Variants in ANKFN1 observed in about 807,000 individuals in gnomAD.
The protein encoded by ANKFN1 is ankyrin repeat and fibronectin type III domain containing 1.
Under a neutral mutation model 108.7 loss-of-function variants are expected in ANKFN1, and 74 were observed. The ratio of observed to expected loss-of-function variants is 0.68; its 90% CI spans 0.56 to 0.83. ANKFN1 has a LOEUF of 0.83. Among genes scored for constraint, ANKFN1 ranks in the 40% least tolerant of loss-of-function variants. The pLI, the probability that ANKFN1 is intolerant of heterozygous loss-of-function variation, is 0.00. For missense variants in ANKFN1, 1,505 were observed against 1,382.3 expected, an observed-to-expected ratio of 1.09 and a Z score of -1.41; for synonymous variants, 547 against 516.2, an observed-to-expected ratio of 1.06 and a Z score of -0.81.
At chr17:56,409,386 A>G (rs1359891742) in intron 8 of ANKFN1, among the ~76,000 whole-genome samples, 2 of 152,224 alleles carry the variant, frequency 1.3e-5, no homozygotes, top group African/African-American at 2.4e-5. Context: ...TGCTAAATGC[A>G]ACCAAAAACA....
chr17:56,243,733 C>T (rs371955220), intron 3 of ANKFN1, among the ~76,000 whole-genome samples: 32 of 152,138 alleles, frequency 2.1e-4, no homozygotes, highest in Middle Eastern at 3.4e-3. Context: ...CCTTAGTTTT[C>T]GGTTTAACTT....
intron 8 of ANKFN1, among the ~76,000 whole-genome samples, chr17:56,397,287 A>G (rs1030936894): frequency 1.3e-5 from 2 of 152,180 alleles, no homozygotes; most frequent in African/African-American, 4.8e-5. Flanking sequence ...CCGCATCTAA[A>G]TAAATAGGTT....
chr17:56,299,360 G>A (rs1325687043), intron 3 of ANKFN1, among the ~76,000 whole-genome samples: 4 of 152,044 alleles, frequency 2.6e-5, no homozygotes, highest in Admixed American at 2.0e-4. Context: ...TCCCCAGCAG[G>A]AAGGACTCTG....
chr17:56,294,251 C>T (rs1286564694), intron 3 of ANKFN1, among the ~76,000 whole-genome samples: 1 of 152,222 alleles, frequency 6.6e-6, no homozygotes, highest in Non-Finnish European at 1.5e-5. Flanking sequence ...CTGTTTCCCT[C>T]CAGTGGCTGG....
intron 6 of ANKFN1, among the ~76,000 whole-genome samples, chr17:56,368,673 C>T (rs2046730114): frequency 6.6e-6 from 1 of 151,910 alleles, no homozygotes; most frequent in South Asian, 2.1e-4. Flanking sequence ...CTTGTTTTAC[C>T]CTATACATCC....
Position 56,104,496 on chromosome 17 carries a change from C to T in ANKFN1, c.288+58171C>T, listed in dbSNP as rs376839254. 6.9e-4 allele frequency among the ~76,000 whole-genome samples: 105 copies of T among 152,316 alleles called. 1 individual carries two copies. The South Asian group carries it at 0.021, about 30-fold the overall frequency. On this transcript the variant is annotated intron_variant, in intron 4 of 12. Transcript: ENST00000635860. The stretch of plus-strand genomic sequence containing the variant: ...GGGTTTTCTGACACCCAGTTCAGCA[C>T]ACTTACTGCTGTGCCACCCTTTTTT...
chr17:56,487,511 T>C (rs1261051352), intron 18 of ANKFN1, among the ~76,000 whole-genome samples: 5 of 151,868 alleles, frequency 3.3e-5, no homozygotes, highest in South Asian at 2.1e-4. Context: ...TTTAAACCAA[T>C]TGGACTAGAA....
chr17:56,454,346 A>G (rs1309987359), intron 11 of ANKFN1, among the ~76,000 whole-genome samples: 1 of 152,124 alleles, frequency 6.6e-6, no homozygotes, highest in Non-Finnish European at 1.5e-5. Context: ...AAGGGATGCA[A>G]GTCTTCTCTT....
intron 20 of ANKFN1, among the ~76,000 whole-genome samples, chr17:56,502,500 G>A (rs1017698171): frequency 6.6e-6 from 1 of 152,208 alleles, no homozygotes; most frequent in Admixed American, 6.5e-5. Flanking sequence ...GTGGAAAGCA[G>A]CAAATGACAA....
chr17:56,312,983 C>T (rs978736166), intron 3 of ANKFN1, among the ~76,000 whole-genome samples: 7 of 151,844 alleles, frequency 4.6e-5, no homozygotes, highest in Non-Finnish European at 8.8e-5. Context: ...GATGAAACCC[C>T]GTCTCTACTA....
At chr17:56,050,253 T>C (rs1012673225) in intron 4 of ANKFN1, among the ~76,000 whole-genome samples, 17 of 150,080 alleles carry the variant, frequency 1.1e-4, no homozygotes, top group Non-Finnish European at 2.4e-4. Flanking sequence ...GTTTTTTTCT[T>C]GTAAATTTGT....
intron 3 of ANKFN1, among the ~76,000 whole-genome samples, chr17:56,262,318 T>G (rs2043533616): frequency 6.6e-6 from 1 of 152,242 alleles, no homozygotes; most frequent in Non-Finnish European, 1.5e-5. Context: ...CATTTAAGAC[T>G]TCTGCAGTAA....
chr17:56,158,073 G>A (rs1354254286), intron 1 of ANKFN1, among the ~76,000 whole-genome samples: 2 of 152,120 alleles, frequency 1.3e-5, no homozygotes, highest in African/African-American at 4.8e-5. Context: ...GGCTCATTAG[G>A]CTCCTCCCAC....
chr17:56,237,939 T>C (rs563558628), intron 3 of ANKFN1, among the ~76,000 whole-genome samples: 1 of 152,320 alleles, frequency 6.6e-6, no homozygotes, highest in African/African-American at 2.4e-5. Flanking sequence ...CACTGAAGGC[T>C]GATTGAACTG....
chr17:56,449,885 A>G (rs1026314509), intron 11 of ANKFN1, among the ~76,000 whole-genome samples: 1 of 152,202 alleles, frequency 6.6e-6, no homozygotes. Context: ...AGGAAAGTAG[A>G]GCACATATTC....
At chr17:56,310,876 C>A (rs1357539673) in intron 3 of ANKFN1, among the ~76,000 whole-genome samples, 1 of 151,844 alleles carries the variant, frequency 6.6e-6, no homozygotes, top group Non-Finnish European at 1.5e-5. Flanking sequence ...ACTTATTCAG[C>A]CTGTGTAACG....
At chr17:56,218,109 C>G (rs1915561697) in intron 2 of ANKFN1, among the ~76,000 whole-genome samples, 1 of 152,114 alleles carries the variant, frequency 6.6e-6, no homozygotes, top group Admixed American at 6.5e-5. Flanking sequence ...CCACCCCATT[C>G]TCCAGGCATC....
At chr17:56,224,554 G>A (rs1020200863) in intron 2 of ANKFN1, 15 of 152,106 alleles carry the variant, frequency 9.9e-5, no homozygotes, top group Admixed American at 6.5e-4. Flanking sequence ...TTAAATAACT[G>A]ACAACTCAAG....
intron 3 of ANKFN1, among the ~76,000 whole-genome samples, chr17:56,287,190 C>T (rs2044241961): frequency 6.6e-6 from 1 of 152,076 alleles, no homozygotes; most frequent in Admixed American, 6.6e-5. Flanking sequence ...AGTCGCAGAG[C>T]TGGGACTCAG....
Sources: allele counts gnomAD v4.1 joint callset (sites outside exome capture counted in the v4.1 genomes callset), GRCh38; gene constraint gnomAD v4.1.1; transcripts MANE v1.5; gene names NCBI Gene and HGNC (gene_info 2026-07-23, HGNC 2026-07-21).